Variants in GRM7 observed in about 807,000 individuals in gnomAD.
The protein encoded by GRM7 is metabotropic glutamate receptor 7.
Under a neutral mutation model 84.5 loss-of-function variants are expected in GRM7, and 35 were observed. That is an observed-to-expected ratio of 0.41 (90% CI 0.32 to 0.55). The LOEUF (loss-of-function observed/expected upper bound fraction) is 0.55, where lower values mean the gene tolerates loss of function less well. GRM7 is among the 20% of genes least tolerant of loss of function. GRM7 has a pLI of 0.19. For synonymous variants in GRM7, 487 were observed against 455.1 expected (o/e 1.07, Z -0.89); for missense variants, 1,003 against 1,194.6 (o/e 0.84, Z 2.36).
At chr3:7,112,858 A>G (rs1232184206) in intron 1 of GRM7, among the ~76,000 whole-genome samples, 2 of 152,202 alleles carry the variant, frequency 1.3e-5, no homozygotes, top group African/African-American at 4.8e-5. Flanking sequence ...TGTATTGGCC[A>G]CACATCAAAC....
chr3:7,268,779 C>T (rs912739471), intron 2 of GRM7, among the ~76,000 whole-genome samples: 9 of 152,174 alleles, frequency 5.9e-5, no homozygotes, highest in African/African-American at 1.9e-4. Flanking sequence ...TTGGTAATCT[C>T]TGTTTCTCTC....
intron 1 of GRM7, among the ~76,000 whole-genome samples, chr3:6,894,795 C>T (rs1281754160): frequency 6.6e-6 from 1 of 152,138 alleles, no homozygotes; most frequent in African/African-American, 2.4e-5. Context: ...AAGCATTCAT[C>T]TGGATGGAAC....
At chr3:7,270,417 T>C (rs1698811183) in intron 2 of GRM7, among the ~76,000 whole-genome samples, 1 of 152,248 alleles carries the variant, frequency 6.6e-6, no homozygotes, top group South Asian at 2.1e-4. Flanking sequence ...CCATAAGTAT[T>C]GAATAGTCGA....
At chr3:7,073,485 T>C (rs899612920) in intron 1 of GRM7, among the ~76,000 whole-genome samples, 2 of 152,070 alleles carry the variant, frequency 1.3e-5, no homozygotes, top group Non-Finnish European at 2.9e-5. Context: ...GCTTTATATT[T>C]GAAGGAAAAA....
At chr3:7,103,138 A>G (rs890734989) in intron 1 of GRM7, among the ~76,000 whole-genome samples, 2 of 151,866 alleles carry the variant, frequency 1.3e-5, no homozygotes, top group Non-Finnish European at 2.9e-5. Flanking sequence ...TAAGAGTAAT[A>G]TGCTGTAAGG....
At chr3:7,625,713 CCT>C (rs1697577127) in intron 8 of GRM7, among the ~76,000 whole-genome samples, 1 of 152,094 alleles carries the variant, frequency 6.6e-6, no homozygotes, top group Non-Finnish European at 1.5e-5. Flanking sequence ...AAGAATATTC[CCT>C]GTCTGCTTCT....
chr3:6,869,460 T>C (rs1390078429), intron 1 of GRM7, among the ~76,000 whole-genome samples: 1 of 152,146 alleles, frequency 6.6e-6, no homozygotes, highest in Admixed American at 6.6e-5. Context: ...TTAATCATTA[T>C]TGCTAATTTT....
chr3:7,032,915 C>G (rs371614359), intron 1 of GRM7, among the ~76,000 whole-genome samples: 1 of 152,092 alleles, frequency 6.6e-6, no homozygotes, highest in Admixed American at 6.5e-5. Flanking sequence ...TAACTTACCC[C>G]CTTCTATGGT....
intron 7 of GRM7, among the ~76,000 whole-genome samples, chr3:7,510,403 A>G (rs141355970): frequency 2.5e-3 from 382 of 152,304 alleles, no homozygotes; most frequent in Non-Finnish European, 3.2e-3. Context: ...ATTAGCCTAA[A>G]TTACAGCTGT....
intron 1 of GRM7, among the ~76,000 whole-genome samples, chr3:6,943,161 C>A (rs1405327923): frequency 6.6e-6 from 1 of 151,732 alleles, no homozygotes; most frequent in Non-Finnish European, 1.5e-5. Context: ...GGCAGCATAT[C>A]TTTTTGTTTT....
intron 4 of GRM7, among the ~76,000 whole-genome samples, chr3:7,365,400 A>C (rs1466442401): frequency 3.3e-5 from 5 of 151,632 alleles, no homozygotes; most frequent in Non-Finnish European, 7.4e-5. Context: ...TAGTTACATA[A>C]CTTTGATTTT....
intron 1 of GRM7, among the ~76,000 whole-genome samples, chr3:7,033,678 T>C (rs1212974866): frequency 6.6e-6 from 1 of 152,182 alleles, no homozygotes; most frequent in Non-Finnish European, 1.5e-5. Flanking sequence ...TTAGTCTCCT[T>C]TCTCTATGCC....
intron 7 of GRM7, among the ~76,000 whole-genome samples, chr3:7,463,092 A>G (rs1698316138): frequency 6.9e-6 from 1 of 145,340 alleles, no homozygotes; most frequent in Admixed American, 7.0e-5. Flanking sequence ...GCCATGTGAT[A>G]TGAAGATGGG....
chr3:7,730,244 G>A (rs530351680), intron 9 of GRM7, among the ~76,000 whole-genome samples: 148 of 152,236 alleles, frequency 9.7e-4, no homozygotes, highest in Non-Finnish European at 1.6e-3. Context: ...TTGACCTTGT[G>A]ATCCGCCCAC....
chr3:7,439,749 C>T (rs529962982), intron 5 of GRM7, among the ~76,000 whole-genome samples: 6 of 152,096 alleles, frequency 3.9e-5, no homozygotes, highest in Non-Finnish European at 8.8e-5. Flanking sequence ...TTAATAGAGC[C>T]CTGGGGGAAG....
chr3:7,210,084 C>T (rs1292014599), intron 2 of GRM7, among the ~76,000 whole-genome samples: 1 of 152,178 alleles, frequency 6.6e-6, no homozygotes, highest in African/African-American at 2.4e-5. Flanking sequence ...GACTCATCTT[C>T]ATCAGCTGTT....
At chr3:6,908,267 A>G (rs1261080994) in intron 1 of GRM7, among the ~76,000 whole-genome samples, 1 of 152,190 alleles carries the variant, frequency 6.6e-6, no homozygotes, top group Non-Finnish European at 1.5e-5. Flanking sequence ...CAAGACAACA[A>G]TCTGCTTACG....
chr3:7,453,066 T>G (rs1697844898), intron 6 of GRM7, among the ~76,000 whole-genome samples: 1 of 151,576 alleles, frequency 6.6e-6, no homozygotes, highest in Non-Finnish European at 1.5e-5. Flanking sequence ...AAATTCTTCT[T>G]TGGTGAATTT....
chr3:7,159,715 C>G (rs1316911608), intron 2 of GRM7, among the ~76,000 whole-genome samples: 2 of 152,134 alleles, frequency 1.3e-5, no homozygotes, highest in Admixed American at 6.5e-5. Flanking sequence ...TCGCCCTGTC[C>G]TCTTGAATAG....
Sources: allele counts gnomAD v4.1 joint callset (sites outside exome capture counted in the v4.1 genomes callset), GRCh38; gene constraint gnomAD v4.1.1; transcripts MANE v1.5; gene names NCBI Gene and HGNC (gene_info 2026-07-23, HGNC 2026-07-21).